The following COL26A1 variants were observed in gnomAD, a reference collection of about 807,000 sequenced individuals.
The protein encoded by COL26A1 is collagen type XXVI alpha 1 chain.
In COL26A1, 41 loss-of-function variants were observed where a neutral mutation model predicts 59.3. The ratio of observed to expected loss-of-function variants is 0.69; its 90% CI spans 0.54 to 0.90. COL26A1 has a LOEUF of 0.90. Ranked by LOEUF, COL26A1 falls within the 40% of genes least tolerant of loss-of-function variation. The pLI is 0.00. For synonymous variants in COL26A1, 266 were observed against 256.0 expected, an observed-to-expected ratio of 1.04 and a Z score of -0.37; for missense variants, 612 against 602.3, an observed-to-expected ratio of 1.02 and a Z score of -0.17.
At chr7:101,383,291 A>AT (rs573294237) in intron 1 of COL26A1, among the ~76,000 whole-genome samples, 16 of 150,822 alleles carry the variant, frequency 1.1e-4, no homozygotes, top group East Asian at 3.9e-4. Context: ...AATTATTTTA[A>AT]TTTTTTTTTA....
chr7:101,420,057 A>G lies in COL26A1; in HGVS notation c.239A>G (p.Tyr80Cys). ...TCGGAGACGGTGGTCCAGCGCGTGT[A>G]CCAGAGCTGCCGGTGGCCGGGGCCC... ...NGSETVVQRV[Y>C]QSCRWPGPCA... Residue 80 changes from tyrosine (Y) to cysteine (C), a missense_variant, in exon 2 of 13, where the codon TAC becomes TGC. Coordinates refer to ENST00000313669, the MANE Select transcript of COL26A1 (RefSeq NM_001278563.3). 6.2e-7 allele frequency: 1 copy of G among 1,613,030 alleles called. No homozygotes were observed. Among genetic ancestry groups the G allele is most frequent in the Non-Finnish European group, 8.5e-7 (1 of 1,179,836 alleles).
intron 1 of COL26A1, among the ~76,000 whole-genome samples, chr7:101,368,443 T>C (rs1236692616): frequency 1.3e-5 from 2 of 152,220 alleles, no homozygotes; most frequent in Non-Finnish European, 2.9e-5. Context: ...TGTGGCAGTG[T>C]ACAGCTGCAG....
chr7:101,524,807 T>C (rs1447785586), intron 3 of COL26A1, among the ~76,000 whole-genome samples: 2 of 152,232 alleles, frequency 1.3e-5, no homozygotes, highest in Non-Finnish European at 2.9e-5. Context: ...AGCTTAATAA[T>C]TCTATAACAG....
chr7:101,501,668 C>G (rs1794709382), intron 3 of COL26A1, among the ~76,000 whole-genome samples: 1 of 152,178 alleles, frequency 6.6e-6, no homozygotes, highest in Admixed American at 6.5e-5. Context: ...AGCAAGATGG[C>G]CACTGGGTTC....
chr7:101,453,607 T>A (rs1793398039), intron 3 of COL26A1, among the ~76,000 whole-genome samples: 1 of 152,100 alleles, frequency 6.6e-6, no homozygotes, highest in African/African-American at 2.4e-5. Flanking sequence ...TCTGAAAGTT[T>A]TAGGGTTAAG....
rs114843385 is a variant in COL26A1, at chr7:101,405,723, T to C, written c.159-14254T>C. 4.7e-3 allele frequency among the ~76,000 whole-genome samples: 719 copies of C among 152,260 alleles called. 4 individuals are homozygous for C. The highest frequency in any genetic ancestry group is 0.017 in the African/African-American group (690 of 41,556). ...CCTAGCCTGTTCCCTCTGGCCCTCC[T>C]ATTAATGGCGGTAGTTGGGGATCAC... On this transcript the variant is annotated intron_variant, in intron 1 of 12. Transcript: ENST00000313669.
At chr7:101,367,455 A>G (rs1284820237) in intron 1 of COL26A1, among the ~76,000 whole-genome samples, 1 of 152,164 alleles carries the variant, frequency 6.6e-6, no homozygotes, top group Non-Finnish European at 1.5e-5. Flanking sequence ...ACCTGAGGTC[A>G]GGAGTTTGAG....
At chr7:101,458,348 A>T (rs1793526930) in intron 3 of COL26A1, among the ~76,000 whole-genome samples, 1 of 152,150 alleles carries the variant, frequency 6.6e-6, no homozygotes, top group South Asian at 2.1e-4. Context: ...GTGAAATGGT[A>T]CTTTAGGCCG....
intron 3 of COL26A1, among the ~76,000 whole-genome samples, chr7:101,531,034 G>A (rs905693476): frequency 2.6e-5 from 4 of 151,548 alleles, no homozygotes; most frequent in African/African-American, 7.3e-5. Context: ...GCAGTGGTGC[G>A]ATCTCGGCTC....
chr7:101,544,888 G>C (rs1363752270), intron 6 of COL26A1, among the ~76,000 whole-genome samples: 1 of 152,126 alleles, frequency 6.6e-6, no homozygotes, highest in Non-Finnish European at 1.5e-5. Flanking sequence ...GCTGTCAGGG[G>C]CCAGGAGCAG....
rs71517177 is a variant in COL26A1, at chr7:101,471,571, G to GTTT, written c.385+23808_385+23810dup. On this transcript the variant is annotated intron_variant, in intron 3 of 12. Coordinates refer to ENST00000313669, the MANE Select transcript of COL26A1 (RefSeq NM_001278563.3). ...TGTTTTGTTGTTGTTGTTGTTGTTT[G>GTTT]TTTTTTTTTTTTTTTTTTTTTTTTT... Among the ~76,000 whole-genome samples the GTTT allele has an allele frequency of 2.6e-4, 24 of 93,014 alleles. 2 individuals carry two copies. Among genetic ancestry groups the GTTT allele is most frequent in the African/African-American group, 6.6e-4 (17 of 25,654 alleles). 61.0% of individuals were successfully genotyped at this position (93,014 alleles called of 152,430 possible).
intron 2 of COL26A1, among the ~76,000 whole-genome samples, chr7:101,420,691 C>T (rs1396447124): frequency 7.0e-6 from 1 of 143,060 alleles, no homozygotes; most frequent in African/African-American, 2.6e-5. Flanking sequence ...CCACGCCCCT[C>T]ACCAGCCACA....
In COL26A1 at chr7:101,384,229, G is replaced by GGTTTTT. The variant is rs1562956536; in HGVS notation, c.158+21040_158+21045dup. 2.1e-3 allele frequency among the ~76,000 whole-genome samples: 270 copies of GGTTTTT among 128,854 alleles called. 3 individuals carry two copies. Among genetic ancestry groups the GGTTTTT allele is most frequent in the African/African-American group, 8.1e-3 (256 of 31,608 alleles). 84.5% of individuals were successfully genotyped at this position (128,854 alleles called of 152,430 possible). On this transcript the variant is annotated intron_variant, in intron 1 of 12. Transcript: ENST00000313669. ...GGGGTCTTCCTATATTGTTCAGGCT[G>GGTTTTT]GTTTTTTTTTTTTTTTTTTTTTTTT...
intron 3 of COL26A1, among the ~76,000 whole-genome samples, chr7:101,480,443 G>T (rs549330086): frequency 6.6e-6 from 1 of 151,898 alleles, no homozygotes; most frequent in African/African-American, 2.4e-5. Flanking sequence ...TCATATTAGA[G>T]TTTTTATTTT....
chr7:101,389,327 G>A (rs1055695057), intron 1 of COL26A1, among the ~76,000 whole-genome samples: 1 of 150,494 alleles, frequency 6.6e-6, no homozygotes, highest in Non-Finnish European at 1.5e-5. Flanking sequence ...AGTTGTAGGA[G>A]TTCCTTATGT....
At chr7:101,473,607 TCCAC>T (rs1793956687) in intron 3 of COL26A1, among the ~76,000 whole-genome samples, 4 of 120,164 alleles carry the variant, frequency 3.3e-5, no homozygotes, top group South Asian at 2.8e-4. Flanking sequence ...ACACCTTGTC[TCCAC>T]ACACACACAC....
rs184412443 is a variant in COL26A1 at position 101,431,779 on chromosome 7, C to T, written c.281+11680C>T. On this transcript the variant is annotated intron_variant, in intron 2 of 12. Transcript: ENST00000313669. Reference sequence around the variant, plus strand: ...CAATGTTGCAATCCTGGAATAAACTCTACCTGGTGATAATTTTGTGTTTGT... The same window carrying T: ...CAATGTTGCAATCCTGGAATAAACTTTACCTGGTGATAATTTTGTGTTTGT... 2.8e-4 allele frequency among the ~76,000 whole-genome samples: 43 copies of T among 151,872 alleles called. No homozygotes were observed. The East Asian group carries it at 7.6e-3, about 27-fold the overall frequency.
chr7:101,389,617 G>A (rs1368377485), intron 1 of COL26A1, among the ~76,000 whole-genome samples: 3 of 151,756 alleles, frequency 2.0e-5, no homozygotes, highest in Admixed American at 6.6e-5. Flanking sequence ...GTGCAATGGC[G>A]CGATCTTGGC....
In COL26A1 at chr7:101,499,073, G is replaced by A. The variant is rs143722033; in HGVS notation, c.386-34009G>A. On this transcript the variant is annotated intron_variant, in intron 3 of 12. Coordinates refer to ENST00000313669, the MANE Select transcript of COL26A1 (RefSeq NM_001278563.3). ...TCAATGCTTTCCAGATTGGGGGCGC[G>A]AGGCATAGCCCATCCCGGGAAGGTC... Among the ~76,000 whole-genome samples the A allele has an allele frequency of 2.6e-3, 396 of 152,344 alleles. 1 individual carries two copies. The highest frequency in any genetic ancestry group is 9.2e-3 in the African/African-American group (382 of 41,580).
Sources: allele counts gnomAD v4.1 joint callset (sites outside exome capture counted in the v4.1 genomes callset), GRCh38; gene constraint gnomAD v4.1.1; transcripts MANE v1.5; gene names NCBI Gene and HGNC (gene_info 2026-07-23, HGNC 2026-07-21).